CLUAP1: variants seen among roughly 807,000 people sequenced by gnomAD.
CLUAP1 encodes the protein clusterin-associated protein 1.
A neutral mutation model predicts 55.0 loss-of-function variants in CLUAP1; 50 were observed. That is an observed-to-expected ratio of 0.91 (90% CI 0.72 to 1.15). The LOEUF (loss-of-function observed/expected upper bound fraction) is 1.15, where lower values mean the gene tolerates loss of function less well. Among genes scored for constraint, CLUAP1 ranks in the 50% most tolerant of loss-of-function variants. The pLI is 0.00. For missense variants in CLUAP1, 530 were observed against 507.6 expected, an observed-to-expected ratio of 1.04 and a Z score of -0.42; for synonymous variants, 195 against 175.4, an observed-to-expected ratio of 1.11 and a Z score of -0.88.
At position 3,506,374 on chromosome 16, in the gene CLUAP1, C is replaced by G; in HGVS notation, c.178C>G (p.Gln60Glu). Residue 60 changes from glutamine (Q) to glutamate (E), a missense_variant, in exon 3 of 12, where the codon CAG (glutamine) becomes GAG (glutamate). By Grantham distance (29) the Gln-to-Glu change is conservative. Coordinates refer to ENST00000576634, the MANE Select transcript of CLUAP1 (RefSeq NM_015041.3). ...TDIPPDVDTE[Q>E]DRVFFIKAIA... Reference sequence around the variant, plus strand: ...CATCCCGCCTGACGTGGATACTGAACAGGACCGAGTTTTCTTCATTAAGGC... The same window carrying G: ...CATCCCGCCTGACGTGGATACTGAAGAGGACCGAGTTTTCTTCATTAAGGC... The G allele has an allele frequency of 6.2e-7, 1 of 1,614,104 alleles. No homozygotes were observed. Among genetic ancestry groups the G allele is most frequent in the Non-Finnish European group, 8.5e-7 (1 of 1,179,998 alleles).
intron 11 of CLUAP1, 123 bp downstream of exon 11, chr16:3,532,964 G>C (rs74005830): frequency 7.3e-7 from 1 of 1,367,436 alleles, no homozygotes. Context: ...GCCGTGCCTC[G>C]ATGCGTGGCA....
chr16:3,498,300 T>C (rs898855741), upstream of CLUAP1, among the ~76,000 whole-genome samples: 1 of 152,072 alleles, frequency 6.6e-6, no homozygotes, highest in East Asian at 1.9e-4. Context: ...TCTTTTTTTT[T>C]ACTCAGTCTA....
intron 9 of CLUAP1, among the ~76,000 whole-genome samples, chr16:3,529,289 T>G (rs909431541): frequency 6.8e-6 from 1 of 147,470 alleles, no homozygotes; most frequent in African/African-American, 2.5e-5. Context: ...TTTTGAACTT[T>G]GTAGATTTTT....
chr16:3,528,872 C>G (rs942611287), intron 9 of CLUAP1, among the ~76,000 whole-genome samples: 2 of 152,118 alleles, frequency 1.3e-5, no homozygotes, highest in Non-Finnish European at 2.9e-5. Flanking sequence ...GTTATACTCG[C>G]ATGTTGTCAG....
rs150215284 is a variant in CLUAP1, at chr16:3,506,648, A to G, written c.219+233A>G. On this transcript the variant is annotated intron_variant, in intron 3 of 11. Coordinates refer to ENST00000576634, the MANE Select transcript of CLUAP1 (RefSeq NM_015041.3). ...CTCCCGAGTAGCTAGGATTAGAGGC[A>G]CACGCCACCACACCTGGCTAATTTT... 5.3e-3 allele frequency among the ~76,000 whole-genome samples: 807 copies of G among 152,124 alleles called. 6 individuals carry two copies. The highest frequency in any genetic ancestry group is 0.018 in the African/African-American group (754 of 41,500).
At chr16:3,506,594 C>T (rs981584702) in intron 3 of CLUAP1, among the ~76,000 whole-genome samples, 179 bp downstream of exon 3, 5 of 152,096 alleles carry the variant, frequency 3.3e-5, no homozygotes, top group Non-Finnish European at 7.4e-5. Context: ...CTGCAACCTC[C>T]GTCTCCTCGG....
rs542795712 is a variant in CLUAP1, at chr16:3,536,844, G to A, written c.*573G>A. Reference sequence around the variant, plus strand: ...AATAACTAAACTTTTCTGAAAGAAGGTTAGCTAAAGTTAAATGAAAACTTG... The same window carrying A: ...AATAACTAAACTTTTCTGAAAGAAGATTAGCTAAAGTTAAATGAAAACTTG... On this transcript the variant is annotated 3_prime_UTR_variant, in exon 12 of 12. Transcript: ENST00000576634. The A allele has an allele frequency of 6.6e-6, 1 of 152,234 alleles. No individual in the cohort carries two copies. Among genetic ancestry groups the A allele is most frequent in the East Asian group, 1.9e-4 (1 of 5,204 alleles). 9.4% of individuals were successfully genotyped at this position (152,234 alleles called of 1,614,324 possible). A position where few individuals can be genotyped will look rare whatever the true frequency, so the allele number is the denominator to read the frequency against.
chr16:3,526,221 CAG>C (rs1424255058), intron 8 of CLUAP1, among the ~76,000 whole-genome samples, 189 bp from the exon 9 acceptor site: 1 of 152,194 alleles, frequency 6.6e-6, no homozygotes, highest in East Asian at 1.9e-4. Flanking sequence ...GAGGCAACCG[CAG>C]AGAGAAAGGG....
At chr16:3,513,899 C>T (rs1470406508) in intron 5 of CLUAP1, among the ~76,000 whole-genome samples, 5 of 152,234 alleles carry the variant, frequency 3.3e-5, no homozygotes. Flanking sequence ...CACTGCCTTG[C>T]CTGTGTTCTG....
intron 10 of CLUAP1, among the ~76,000 whole-genome samples, chr16:3,531,962 C>A (rs1425217995): frequency 6.6e-6 from 1 of 151,950 alleles, no homozygotes; most frequent in East Asian, 1.9e-4. Flanking sequence ...TCCTGCAATC[C>A]CAAGTAGCTG....
intron 3 of CLUAP1, 115 bp downstream of exon 3, chr16:3,506,530 A>G (rs2037510243): frequency 8.4e-6 from 7 of 829,248 alleles, no homozygotes; most frequent in Middle Eastern, 2.4e-4. Flanking sequence ...TTTTTTTGAG[A>G]TGGAGTCTCA....
intron 1 of CLUAP1, among the ~76,000 whole-genome samples, chr16:3,502,606 T>G (rs1262293685): frequency 1.3e-5 from 2 of 152,124 alleles, no homozygotes; most frequent in Non-Finnish European, 2.9e-5. Flanking sequence ...AATGTAAAAA[T>G]ATCTAGGAAG....
intron 9 of CLUAP1, 113 bp from the exon 10 acceptor site, chr16:3,530,455 G>T: frequency 1.4e-6 from 1 of 725,130 alleles, no homozygotes; most frequent in African/African-American, 1.8e-5. Context: ...TTAATTTCCT[G>T]GATAGAATAA....
At chr16:3,506,292 T>G (rs1320107541) in intron 2 of CLUAP1, 39 bp from the exon 3 acceptor site, 1 of 1,527,148 alleles carries the variant, frequency 6.5e-7, no homozygotes, top group Admixed American at 1.7e-5. Flanking sequence ...ACTTTCTCCT[T>G]GGTTAACCCG....
At chr16:3,505,330 AC>A (rs1192878937) in intron 2 of CLUAP1, among the ~76,000 whole-genome samples, 1 of 152,118 alleles carries the variant, frequency 6.6e-6, no homozygotes, top group African/African-American at 2.4e-5. Flanking sequence ...GGAGATCAAG[AC>A]CATCCTGGCT....
At chr16:3,525,417 C>T (rs950787094) in intron 8 of CLUAP1, among the ~76,000 whole-genome samples, 1 of 152,174 alleles carries the variant, frequency 6.6e-6, no homozygotes, top group African/African-American at 2.4e-5. Context: ...CTCTTACTCA[C>T]TCTCGCTCTC....
chr16:3,529,475 T>TTATATATTATATAATTATATTATATTA (rs1274901211), intron 9 of CLUAP1, among the ~76,000 whole-genome samples: 31 of 79,958 alleles, frequency 3.9e-4, no homozygotes, highest in South Asian at 2.1e-3. Context: ...ATATATTATA[T>TTATATATTATATAATTATATTATATTA]TATATATTAT....
intron 2 of CLUAP1, 39 bp downstream of exon 2, chr16:3,504,870 T>G (rs2037473152): frequency 8.7e-7 from 1 of 1,148,920 alleles, no homozygotes; most frequent in East Asian, 2.3e-5. Flanking sequence ...GAGTGAATAC[T>G]GGGTTTTATT....
chr16:3,496,106 A>T (rs1567415372), upstream of CLUAP1: 2 of 367,666 alleles, frequency 5.4e-6, no homozygotes, highest in Non-Finnish European at 1.0e-5. Flanking sequence ...GCGCCACTGC[A>T]CTCCAGCCTG....
Sources: allele counts gnomAD v4.1 joint callset (sites outside exome capture counted in the v4.1 genomes callset), GRCh38; gene constraint gnomAD v4.1.1; transcripts MANE v1.5; gene names NCBI Gene and HGNC (gene_info 2026-07-23, HGNC 2026-07-21).